The following RIOK2 variants were observed in gnomAD, a reference collection of about 807,000 sequenced individuals.
RIOK2 encodes the protein RIO kinase 2, also known as serine/threonine-protein kinase RIO2.
RIOK2 carries 46 observed loss-of-function variants against 62.4 expected under a neutral mutation model. The observed-to-expected ratio is 0.74, with a 90% CI of 0.58 to 0.94. The LOEUF (loss-of-function observed/expected upper bound fraction) is 0.94, where lower values mean the gene tolerates loss of function less well. Ranked by LOEUF, RIOK2 falls within the 40% of genes least tolerant of loss-of-function variation. The pLI is 0.00. For missense variants in RIOK2, 574 were observed against 658.0 expected, an observed-to-expected ratio of 0.87 and a Z score of 1.40; for synonymous variants, 197 against 216.0, an observed-to-expected ratio of 0.91 and a Z score of 0.77.
At chr5:97,183,081 C>T (rs1749469047) in intron 1 of RIOK2, 45 bp downstream of exon 1, 5 of 1,600,974 alleles carry the variant, frequency 3.1e-6, no homozygotes, top group Middle Eastern at 1.7e-4. Flanking sequence ...GAAGAGGTCA[C>T]ACAGTGTTAA....
At chr5:97,169,669 A>G (rs922378726) in intron 6 of RIOK2, among the ~76,000 whole-genome samples, 2 of 152,254 alleles carry the variant, frequency 1.3e-5, no homozygotes, top group African/African-American at 4.8e-5. Context: ...ACTATTTTAT[A>G]TATGTTTACA....
chr5:97,161,221 GA>G lies in RIOK2; in HGVS notation c.*1839del, dbSNP rs1257639872. ...AGGTACCTGAGGTTTGGGAAGTGTA[GA>G]ACCAGGATTTAAATCTGGAACTCCT... is the stretch of plus-strand genomic sequence containing the variant. On this transcript the variant is annotated 3_prime_UTR_variant, in exon 10 of 10. Coordinates refer to ENST00000283109, the MANE Select transcript of RIOK2 (RefSeq NM_018343.3). 1 of 152,138 alleles carries G rather than the reference GA, an allele frequency of 6.6e-6. No homozygotes were observed. The highest frequency in any genetic ancestry group is 6.5e-5 in the Admixed American group (1 of 15,284). 9.4% of individuals were successfully genotyped at this position (152,138 alleles called of 1,614,324 possible). A position where few individuals can be genotyped will look rare whatever the true frequency, so the allele number is the denominator to read the frequency against.
chr5:97,167,919 C>G lies in RIOK2; in HGVS notation c.945G>C (p.Leu315=), dbSNP rs1203310079. The G allele has an allele frequency of 6.2e-7, 1 of 1,610,104 alleles. No individual in the cohort carries two copies. The highest frequency in any genetic ancestry group is 8.5e-7 in the Non-Finnish European group (1 of 1,179,758). ...TATCATCTGGACCTAATGGATGAAG[C>G]AGTTCATCATCTGCCTGCATTTCCT... ...YTKEMQADDE[L]LHPLGPDDKN... The change falls in exon 8 of 10, where the codon CTG becomes CTC. Residue 315 remains leucine (L), a synonymous_variant. Coordinates refer to ENST00000283109, the MANE Select transcript of RIOK2 (RefSeq NM_018343.3).
intron 7 of RIOK2, 71 bp downstream of exon 7, chr5:97,168,689 G>T: frequency 1.0e-6 from 1 of 971,220 alleles, no homozygotes; most frequent in Non-Finnish European, 1.5e-6. Flanking sequence ...AGATGAAAAT[G>T]TTAATTTTTA....
intron 2 of RIOK2, among the ~76,000 whole-genome samples, chr5:97,178,140 T>A (rs1749221900): frequency 6.6e-6 from 1 of 152,180 alleles, no homozygotes; most frequent in South Asian, 2.1e-4. Context: ...TGTTTTTGTA[T>A]ATCTGTTATC....
intron 4 of RIOK2, among the ~76,000 whole-genome samples, chr5:97,176,664 A>G (rs1272126866): frequency 6.6e-6 from 1 of 152,198 alleles, no homozygotes; most frequent in Non-Finnish European, 1.5e-5. Context: ...TATACATATA[A>G]ATCTATAAAT....
chr5:97,172,783 AGTACTTCC>A (rs1561518559), intron 5 of RIOK2, among the ~76,000 whole-genome samples: 1 of 152,344 alleles, frequency 6.6e-6, no homozygotes, highest in East Asian at 1.9e-4. Context: ...CTGTCCCGTT[AGTACTTCC>A]TATCTCCCTT....
chr5:97,180,005 T>TATATATATATAATATATATA, intron 1 of RIOK2, among the ~76,000 whole-genome samples: 1 of 27,464 alleles, frequency 3.6e-5, no homozygotes, highest in African/African-American at 1.3e-4. Flanking sequence ...ATATATATAT[T>TATATATATATAATATATATA]ATATATATAT....
chr5:97,173,359 ACAC>A, intron 4 of RIOK2, 96 bp from the exon 5 acceptor site: 1 of 744,512 alleles, frequency 1.3e-6, no homozygotes, highest in Non-Finnish European at 2.2e-6. Flanking sequence ...CAGAAAAAAA[ACAC>A]ACAAACCTTT....
intron 4 of RIOK2, chr5:97,176,042 GT>G (rs1749154373): frequency 6.6e-6 from 1 of 152,178 alleles, no homozygotes; most frequent in Admixed American, 6.5e-5. Context: ...CACACCTGAA[GT>G]GCAATGAATA....
chr5:97,178,483 A>AGTACCTACG lies in RIOK2; in HGVS notation c.205+571_205+572insCGTAGGTAC, dbSNP rs1580277604. Among the ~76,000 whole-genome samples the AGTACCTACG allele has an allele frequency of 1.0e-4, 15 of 147,780 alleles. 1 individual carries two copies. The East Asian group carries it at 3.0e-3, about 30-fold the overall frequency. On this transcript the variant is annotated intron_variant, in intron 2 of 9. Transcript: ENST00000283109. ...CTACATGCTCTTCTGCAGTACCTAC[A>AGTACCTACG]TGCTCTTCTGCAGTGCTCTACCTGC... is the stretch of plus-strand genomic sequence containing the variant.
At chr5:97,168,710 G>C (rs763527135) in intron 7 of RIOK2, 50 bp downstream of exon 7, 1 of 1,126,936 alleles carries the variant, frequency 8.9e-7, no homozygotes, top group Non-Finnish European at 1.3e-6. Context: ...GAAATACACA[G>C]ACCAGATATT....
At chr5:97,180,126 GTA>G (rs1339692700) in intron 1 of RIOK2, among the ~76,000 whole-genome samples, 230 of 30,482 alleles carry the variant, frequency 7.5e-3, no homozygotes, top group Non-Finnish European at 0.012. Flanking sequence ...ATGTGTATAT[GTA>G]TATATATATA....
In RIOK2 at chr5:97,172,808, C is replaced by CT. The variant is rs1175302029; in HGVS notation, c.587+366dup. ...AGTACTTCCTATCTCCCTTACTCTG[C>CT]TTTTTTTTATCCATAGTACTTACTA... On this transcript the variant is annotated intron_variant, in intron 5 of 9. Transcript: ENST00000283109. Among the ~76,000 whole-genome samples, 21 of 152,174 alleles carry CT rather than the reference C, an allele frequency of 1.4e-4. 1 individual carries two copies. The East Asian group carries it at 3.3e-3, about 24-fold the overall frequency.
chr5:97,176,979 A>G (rs2544771), intron 4 of RIOK2, 137 bp downstream of exon 4: 479,725 of 712,506 alleles, frequency 0.67, 162,216 homozygotes, highest in South Asian at 0.7. Context: ...GAGTTATTTA[A>G]GATTGAGTCT....
At chr5:97,168,985 G>A (rs902800033) in intron 6 of RIOK2, 133 bp from the exon 7 acceptor site, 5 of 507,002 alleles carry the variant, frequency 9.9e-6, no homozygotes, top group East Asian at 9.8e-5. Flanking sequence ...TTACACAAAA[G>A]AAAAAAGATA....
chr5:97,179,994 T>TATATATAAA (rs1561522033), intron 1 of RIOK2, among the ~76,000 whole-genome samples: 31 of 48,244 alleles, frequency 6.4e-4, no homozygotes, highest in South Asian at 4.6e-3. Flanking sequence ...ATATATAAAA[T>TATATATAAA]ATATATATAT....
rs774076900 is a variant in RIOK2, at chr5:97,173,220, T to C, written c.542A>G (p.Tyr181Cys). The change falls in exon 5 of 10, where the codon TAC becomes TGC. Residue 181 changes from tyrosine to cysteine, a missense_variant. Coordinates refer to ENST00000283109, the MANE Select transcript of RIOK2 (RefSeq NM_018343.3). ...RKFPVPKPID[Y>C]NRHAVVMELI... ...TTCCATGACCACTGCATGACGATTGTAATCAATTGGCTTTGGAACTGGAAA... is the reference window on the plus strand; with the variant it reads ...TTCCATGACCACTGCATGACGATTGCAATCAATTGGCTTTGGAACTGGAAA... The C allele has an allele frequency of 6.2e-7, 1 of 1,613,448 alleles. No individual in the cohort carries two copies. The highest frequency in any genetic ancestry group is 2.2e-5 in the East Asian group (1 of 44,752).
At position 97,183,164 on chromosome 5, in the gene RIOK2, G is replaced by A. The variant is rs761702241; in HGVS notation, c.28C>T (p.Arg10Cys). The A allele has an allele frequency of 1.2e-6, 2 of 1,614,092 alleles. No individual in the cohort carries two copies. The highest frequency in any genetic ancestry group is 2.2e-5 in the East Asian group (1 of 44,866). ...CTGAAGTCATCTCGGCTCATGTAAC[G>A]CAACTTGGCCACATTCACTTTCCCC... MGKVNVAKL[R>C]YMSRDDFRVL... Residue 10 changes from arginine (R) to cysteine (C), a missense_variant, in exon 1 of 10, where the codon CGT becomes TGT. Arg to Cys is a radical substitution (Grantham distance 180, BLOSUM62 -3). Coordinates refer to ENST00000283109, the MANE Select transcript of RIOK2 (RefSeq NM_018343.3).
Sources: allele counts gnomAD v4.1 joint callset (sites outside exome capture counted in the v4.1 genomes callset), GRCh38; gene constraint gnomAD v4.1.1; transcripts MANE v1.5; gene names NCBI Gene and HGNC (gene_info 2026-07-23, HGNC 2026-07-21).